Variants in UPF2 observed in about 807,000 individuals in gnomAD.
UPF2 encodes UPF2 regulator of nonsense mediated mRNA decay.
UPF2 carries 17 observed loss-of-function variants against 141.4 expected under a neutral mutation model. That is an observed-to-expected ratio of 0.12 (90% confidence interval 0.08 to 0.18). The LOEUF is 0.18. Among genes scored for constraint, UPF2 ranks in the 10% least tolerant of loss-of-function variants. UPF2 has a pLI of 1.00. For missense variants in UPF2, 1,152 were observed against 1,515.9 expected (o/e 0.76, Z 3.99); for synonymous variants, 540 against 498.0 (o/e 1.08, Z -1.12).
intron 3 of UPF2, among the ~76,000 whole-genome samples, chr10:12,028,119 T>C (rs1459437666): frequency 1.3e-5 from 2 of 152,156 alleles, no homozygotes; most frequent in Non-Finnish European, 2.9e-5. Flanking sequence ...ACAACCAAAA[T>C]TGGCCCCAAA....
At position 11,944,838 on chromosome 10, in the gene UPF2, A is replaced by G. The variant is rs547146331; in HGVS notation, c.3175-1670T>C. On this transcript the variant is annotated intron_variant, in intron 16 of 21. Coordinates refer to ENST00000357604, the MANE Select transcript of UPF2 (RefSeq NM_015542.4). ...GGGTGGAATTAAGAAGTGCTCATCA[A>G]TGGACCACAAAACCTAAGCAGGCTA... Among the ~76,000 whole-genome samples the G allele has an allele frequency of 1.7e-4, 26 of 152,342 alleles. No homozygotes were observed. In the South Asian group the frequency reaches 5.4e-3, roughly 32 times the overall value.
chr10:12,003,874 G>C (rs1308687945), intron 5 of UPF2, among the ~76,000 whole-genome samples: 1 of 139,782 alleles, frequency 7.2e-6, no homozygotes, highest in Non-Finnish European at 1.5e-5. Flanking sequence ...GCAGTGAGCT[G>C]AGACCACATG....
intron 3 of UPF2, among the ~76,000 whole-genome samples, chr10:12,023,593 G>A (rs1473414680): frequency 2.0e-5 from 3 of 151,662 alleles, no homozygotes; most frequent in Non-Finnish European, 4.4e-5. Context: ...GGGAGGCTGA[G>A]GCAAGGGAAT....
At chr10:12,022,592 A>C (rs1165597845) in intron 3 of UPF2, among the ~76,000 whole-genome samples, 2 of 152,196 alleles carry the variant, frequency 1.3e-5, no homozygotes, top group Non-Finnish European at 2.9e-5. Flanking sequence ...TATCTAGGAC[A>C]TAATTTTAGA....
chr10:11,989,282 C>T (rs74116807), intron 8 of UPF2, among the ~76,000 whole-genome samples: 4,328 of 152,206 alleles, frequency 0.028, 206 homozygotes, highest in African/African-American at 0.097. Flanking sequence ...AATTAGAAAT[C>T]TACTTGAACA....
chr10:11,927,517 A>C (rs1832728036), intron 21 of UPF2, among the ~76,000 whole-genome samples: 1 of 152,228 alleles, frequency 6.6e-6, no homozygotes, highest in African/African-American at 2.4e-5. Flanking sequence ...CATATATTTA[A>C]AGCTACTCTA....
At chr10:12,037,464 C>T (rs1473337873) in intron 1 of UPF2, among the ~76,000 whole-genome samples, 5 of 144,698 alleles carry the variant, frequency 3.5e-5, no homozygotes, top group Admixed American at 7.1e-5. Context: ...GGTGTGATCT[C>T]GGCTCACTGC....
In UPF2 at chr10:12,029,406, T is replaced by C; in HGVS notation, c.484A>G (p.Ser162Gly). 6.2e-6 allele frequency: 10 copies of C among 1,614,246 alleles called. No homozygotes were observed. The highest frequency in any genetic ancestry group is 8.5e-6 in the Non-Finnish European group (10 of 1,180,042). ...PDSRPEENFF[S>G]RLDSSLKKNT... ...TTCTTCAAACTTGAGTCGAGGCGGC[T>C]GAAGAAGTTTTCCTCTGGTCGGCTG... Residue 162 changes from serine (S) to glycine (G), a missense_variant, in exon 3 of 22, where the codon AGC (serine) becomes GGC (glycine). By Grantham distance (56) the Ser-to-Gly change is moderately conservative. This residue lies in a region of UPF2 where 739 missense variants were observed against 1,032.2 expected (regional missense o/e 0.72). Coordinates refer to ENST00000357604, the MANE Select transcript of UPF2 (RefSeq NM_015542.4).
chr10:11,957,120 T>G (rs1034319356), intron 12 of UPF2, among the ~76,000 whole-genome samples: 1 of 151,228 alleles, frequency 6.6e-6, no homozygotes, highest in Non-Finnish European at 1.5e-5. Context: ...ATGCCCAGTA[T>G]GGAGTAGGTC....
intron 2 of UPF2, among the ~76,000 whole-genome samples, chr10:12,034,827 C>T (rs1030792171): frequency 7.2e-5 from 11 of 152,094 alleles, no homozygotes; most frequent in African/African-American, 2.6e-4. Context: ...TAAAAGATTA[C>T]CCAGGACCTC....
intron 2 of UPF2, among the ~76,000 whole-genome samples, chr10:12,031,356 T>C (rs569855149): frequency 2.0e-4 from 30 of 152,202 alleles, no homozygotes; most frequent in African/African-American, 6.7e-4. Flanking sequence ...AATAAAAACC[T>C]AGTAGACTCA....
intron 2 of UPF2, among the ~76,000 whole-genome samples, chr10:12,034,824 T>C (rs547928130): frequency 1.3e-5 from 2 of 152,054 alleles, no homozygotes; most frequent in African/African-American, 4.8e-5. Flanking sequence ...AAATAAAAGA[T>C]TACCCAGGAC....
At chr10:11,947,787 A>G (rs1391298471) in intron 16 of UPF2, among the ~76,000 whole-genome samples, 2 of 49,818 alleles carry the variant, frequency 4.0e-5, no homozygotes, top group Non-Finnish European at 7.2e-5. Context: ...ACCTTGTCTC[A>G]AAAAAAAAAA....
At chr10:12,020,056 T>C (rs952749781) in intron 3 of UPF2, among the ~76,000 whole-genome samples, 3 of 152,088 alleles carry the variant, frequency 2.0e-5, no homozygotes, top group Non-Finnish European at 4.4e-5. Context: ...TTTAATATTA[T>C]AAAACCAACC....
At chr10:11,972,161 C>T (rs1397014424) in intron 9 of UPF2, among the ~76,000 whole-genome samples, 1 of 151,942 alleles carries the variant, frequency 6.6e-6, no homozygotes, top group Non-Finnish European at 1.5e-5. Context: ...TTATCACTTT[C>T]CTACAGAAAG....
chr10:11,981,635 C>G (rs1197094509), intron 8 of UPF2, among the ~76,000 whole-genome samples: 1 of 152,088 alleles, frequency 6.6e-6, no homozygotes, highest in Non-Finnish European at 1.5e-5. Flanking sequence ...ATAAGTAGGT[C>G]CCACCACTCT....
intron 9 of UPF2, among the ~76,000 whole-genome samples, chr10:11,972,652 AAT>A (rs1833439353): frequency 6.6e-6 from 1 of 152,076 alleles, no homozygotes; most frequent in Admixed American, 6.6e-5. Flanking sequence ...CTGTCCTTGC[AAT>A]AGTTTGCTCA....
chr10:11,944,818 G>A (rs1832980842), intron 16 of UPF2, among the ~76,000 whole-genome samples: 1 of 152,154 alleles, frequency 6.6e-6, no homozygotes, highest in African/African-American at 2.4e-5. Flanking sequence ...ATAATGGGTG[G>A]AATTAAGAAG....
chr10:12,040,301 AG>A (rs1180199063), intron 1 of UPF2, among the ~76,000 whole-genome samples: 2 of 152,150 alleles, frequency 1.3e-5, no homozygotes, highest in Non-Finnish European at 2.9e-5. Flanking sequence ...ACACGCCTGT[AG>A]TCCCAGCTAC....
Sources: gnomAD v4.1 joint callset for allele counts (sites outside exome capture counted in the v4.1 genomes callset) on GRCh38, gnomAD v4.1.1 for gene constraint, gnomAD v4.1.1 regional missense constraint, MANE v1.5 for transcripts, NCBI Gene and HGNC (gene_info 2026-07-23, HGNC 2026-07-21) for gene names.